Variants in ADAM2 observed in about 807,000 individuals in gnomAD.
ADAM2 encodes ADAM metallopeptidase domain 2, also known as disintegrin and metalloproteinase domain-containing protein 2.
Under a neutral mutation model 99.3 loss-of-function variants are expected in ADAM2, and 101 were observed. The ratio of observed to expected loss-of-function variants is 1.02; its 90% confidence interval spans 0.87 to 1.20. The LOEUF (loss-of-function observed/expected upper bound fraction) is 1.20. Among genes scored for constraint, ADAM2 ranks in the 50% most tolerant of loss-of-function variants. The probability of loss-of-function intolerance (pLI) is 0.00; values close to 1 mark genes in which losing one functional copy is unlikely to be tolerated. For missense variants in ADAM2, 948 were observed against 878.7 expected (o/e 1.08, Z -1.00); for synonymous variants, 323 against 287.6 (o/e 1.12, Z -1.25).
In ADAM2 at chr8:39,821,311, G is replaced by A. The variant is rs904755764; in HGVS notation, c.345-141C>T. ...GGTGATAAAATAGGAGAAAGTTACT[G>A]GGTATCCACAAACTTACTGAGTGAC... On this transcript the variant is annotated intron_variant, in intron 5 of 20. Transcript: ENST00000265708. The A allele has an allele frequency of 4.5e-6, 3 of 660,494 alleles. No homozygotes were observed. The African/African-American group carries it at 5.5e-5, about 12-fold the overall frequency. 40.9% of individuals were successfully genotyped at this position (660,494 alleles called of 1,614,324 possible).
intron 6 of ADAM2, among the ~76,000 whole-genome samples, chr8:39,809,743 T>C (rs1804614049): frequency 6.6e-6 from 1 of 152,056 alleles, no homozygotes; most frequent in Non-Finnish European, 1.5e-5. Context: ...TATTATTCTC[T>C]CTTTTACCAG....
chr8:39,803,843 TC>T (rs1403571741), intron 7 of ADAM2, among the ~76,000 whole-genome samples: 1 of 152,190 alleles, frequency 6.6e-6, no homozygotes, highest in Non-Finnish European at 1.5e-5. Context: ...AGGACGATTA[TC>T]TTTGCTTATT....
chr8:39,767,854 G>C (rs1207861576), intron 12 of ADAM2, among the ~76,000 whole-genome samples: 1 of 150,412 alleles, frequency 6.6e-6, no homozygotes, highest in Non-Finnish European at 1.5e-5. Context: ...TATTACTAAA[G>C]TTAGTAAAAG....
At chr8:39,802,429 C>T (rs1166062459) in intron 7 of ADAM2, among the ~76,000 whole-genome samples, 1 of 152,062 alleles carries the variant, frequency 6.6e-6, no homozygotes, top group East Asian at 1.9e-4. Flanking sequence ...GCCATCTTGG[C>T]CCCCCCACCT....
intron 10 of ADAM2, among the ~76,000 whole-genome samples, chr8:39,781,933 C>T (rs148856216): frequency 6.6e-5 from 10 of 152,252 alleles, no homozygotes; most frequent in Middle Eastern, 3.4e-3. Flanking sequence ...GACTTGATCT[C>T]TATTACAAAG....
intron 7 of ADAM2, among the ~76,000 whole-genome samples, chr8:39,790,570 T>A (rs893267969): frequency 2.6e-5 from 4 of 151,962 alleles, no homozygotes; most frequent in Non-Finnish European, 5.9e-5. Flanking sequence ...GGATGCAAAG[T>A]CTTTTTATAA....
At chr8:39,753,585 G>C (rs901800602) in intron 16 of ADAM2, among the ~76,000 whole-genome samples, 7 of 152,134 alleles carry the variant, frequency 4.6e-5, no homozygotes. Context: ...CAGACACAGA[G>C]GCCTAGGAGG....
At chr8:39,837,317 C>T in intron 1 of ADAM2, 105 bp from the exon 2 acceptor site, 2 of 634,216 alleles carry the variant, frequency 3.2e-6, no homozygotes, top group Non-Finnish European at 5.1e-6. Context: ...TACGCTGCTT[C>T]TCATTTTTAT....
chr8:39,798,140 G>C (rs1349350233), intron 7 of ADAM2, among the ~76,000 whole-genome samples: 1 of 152,186 alleles, frequency 6.6e-6, no homozygotes, highest in East Asian at 1.9e-4. Context: ...AATGCTTTCA[G>C]TTTTTGCCCA....
chr8:39,790,650 C>T (rs1803671538), intron 7 of ADAM2, among the ~76,000 whole-genome samples: 1 of 151,714 alleles, frequency 6.6e-6, no homozygotes, highest in Non-Finnish European at 1.5e-5. Context: ...TACTAAAAAC[C>T]ATGGAATTTT....
intron 2 of ADAM2, among the ~76,000 whole-genome samples, chr8:39,834,897 G>T (rs1805761488): frequency 1.3e-5 from 2 of 152,086 alleles, no homozygotes; most frequent in African/African-American, 4.8e-5. Flanking sequence ...TTTGTGGAAT[G>T]CTTTTTCTGG....
chr8:39,753,817 ACACACACACACACT>A (rs925408243), intron 16 of ADAM2, among the ~76,000 whole-genome samples: 2 of 151,740 alleles, frequency 1.3e-5, no homozygotes, highest in South Asian at 2.1e-4. Flanking sequence ...AACAAAACAC[ACACACACACACACT>A]CACACACACA....
In ADAM2 at chr8:39,769,377, C is replaced by T. The variant is rs370272571; in HGVS notation, c.1212+15G>A. 43 of 1,581,970 alleles carry T rather than the reference C, an allele frequency of 2.7e-5. No homozygotes were observed. The highest frequency in any genetic ancestry group is 1.1e-4 in the Admixed American group (6 of 56,274). On this transcript the variant is annotated intron_variant, in intron 12 of 20. Transcript: ENST00000265708. ...GCTGCAATTTCAGTGCGTAGTCTTC[C>T]GAATTAGTACCAACCTGTTCAGTCC...
In ADAM2 at chr8:39,777,176, T is replaced by A. The variant is rs766871163; in HGVS notation, c.892-15A>T. 3.1e-6 allele frequency: 5 copies of A among 1,587,768 alleles called. No individual in the cohort carries two copies. Among genetic ancestry groups the A allele is most frequent in the Non-Finnish European group, 4.3e-6 (5 of 1,166,772 alleles). On this transcript the variant is annotated splice_polypyrimidine_tract_variant and intron_variant, in intron 10 of 20. Coordinates refer to ENST00000265708, the MANE Select transcript of ADAM2 (RefSeq NM_001464.5). ...GTTCTGGGGTGCTGAGAAAAAAAAATAGATGTACACGTTTTGGGAGATTAT... is the reference window on the plus strand; with the variant it reads ...GTTCTGGGGTGCTGAGAAAAAAAAAAAGATGTACACGTTTTGGGAGATTAT...
chr8:39,824,934 T>A (rs1247371547), intron 3 of ADAM2, 37 bp from the exon 4 acceptor site: 2 of 931,066 alleles, frequency 2.1e-6, no homozygotes, highest in Non-Finnish European at 3.4e-6. Flanking sequence ...ATTTGATTCT[T>A]AACCTTTTGT....
intron 7 of ADAM2, among the ~76,000 whole-genome samples, chr8:39,790,153 T>C (rs967509878): frequency 1.3e-5 from 2 of 151,914 alleles, no homozygotes. Context: ...AGTTATCTTA[T>C]AATCCAAAAA....
intron 10 of ADAM2, 55 bp downstream of exon 10, chr8:39,786,919 G>A: frequency 7.9e-7 from 1 of 1,262,110 alleles, no homozygotes. Context: ...ATATGAAAAT[G>A]TGTAACTGTA....
intron 16 of ADAM2, among the ~76,000 whole-genome samples, chr8:39,752,832 G>A (rs1353785359): frequency 1.3e-5 from 2 of 152,074 alleles, no homozygotes; most frequent in South Asian, 2.1e-4. Flanking sequence ...CTGCCTCCAC[G>A]TAAGACATGC....
chr8:39,757,734 C>G lies in ADAM2; in HGVS notation c.1614-1823G>C, dbSNP rs1370143983. Among the ~76,000 whole-genome samples, 3 of 152,128 alleles carry G rather than the reference C, an allele frequency of 2.0e-5. No homozygotes were observed. The East Asian group carries it at 5.8e-4, about 29-fold the overall frequency. On this transcript the variant is annotated intron_variant, in intron 15 of 20. Coordinates refer to ENST00000265708, the MANE Select transcript of ADAM2 (RefSeq NM_001464.5). ...CAGCTATGTTAAATCCTTTCCATTA[C>G]AAAATTCTAGCCTTCAGAAAAGCAA...
Sources: allele counts gnomAD v4.1 joint callset (sites outside exome capture counted in the v4.1 genomes callset), GRCh38; gene constraint gnomAD v4.1.1; transcripts MANE v1.5; gene names NCBI Gene and HGNC (gene_info 2026-07-23, HGNC 2026-07-21).